The following NAV3 variants were observed in gnomAD, a reference collection of about 807,000 sequenced individuals.
NAV3 encodes the protein neuron navigator 3.
NAV3 carries 87 observed loss-of-function variants against 244.7 expected under a neutral mutation model. The ratio of observed to expected loss-of-function variants is 0.36; its 90% CI spans 0.30 to 0.42. The LOEUF (loss-of-function observed/expected upper bound fraction) is 0.42. Among genes scored for constraint, NAV3 ranks in the 20% least tolerant of loss-of-function variants. NAV3 has a pLI of 1.00. For missense variants in NAV3, 2,663 were observed against 2,893.3 expected (o/e 0.92, Z 1.83); for synonymous variants, 1,126 against 1,042.2 (o/e 1.08, Z -1.55).
chr12:77,986,569 A>G (rs1870552241), intron 5 of NAV3, among the ~76,000 whole-genome samples: 1 of 152,066 alleles, frequency 6.6e-6, no homozygotes, highest in Non-Finnish European at 1.5e-5. Flanking sequence ...AGAATTCTGT[A>G]TGTGTATTAT....
Position 78,024,618 on chromosome 12 carries a change from C to T in NAV3, c.2023+2756C>T, listed in dbSNP as rs116101585. On this transcript the variant is annotated intron_variant, in intron 9 of 39. Coordinates refer to ENST00000397909, the MANE Select transcript of NAV3 (RefSeq NM_001024383.2). ...TACTCTCTCTTCTCTTTAATAGCTC[C>T]CTCCCAACCAAATCACTTATTTTAG... Among the ~76,000 whole-genome samples the T allele has an allele frequency of 6.7e-3, 1,019 of 152,128 alleles. 10 individuals are homozygous for T. The highest frequency in any genetic ancestry group is 0.024 in the African/African-American group (987 of 41,482).
At chr12:78,123,614 C>T (rs746360120) in intron 16 of NAV3, among the ~76,000 whole-genome samples, 1 of 152,068 alleles carries the variant, frequency 6.6e-6, no homozygotes, top group Non-Finnish European at 1.5e-5. Flanking sequence ...CAGGGACAGC[C>T]GTGCAAATGG....
At chr12:78,038,038 T>C (rs1880212351) in intron 9 of NAV3, among the ~76,000 whole-genome samples, 1 of 152,228 alleles carries the variant, frequency 6.6e-6, no homozygotes, top group South Asian at 2.1e-4. Context: ...ATGAACTGTT[T>C]TCATACTTTA....
At chr12:77,686,757 T>G (rs772824510) in intron 2 of NAV3, among the ~76,000 whole-genome samples, 1 of 152,188 alleles carries the variant, frequency 6.6e-6, no homozygotes, top group African/African-American at 2.4e-5. Context: ...TTCATCTGAC[T>G]TTACAGTACG....
At chr12:77,926,688 A>T (rs1888257279) in intron 1 of NAV3, among the ~76,000 whole-genome samples, 1 of 152,176 alleles carries the variant, frequency 6.6e-6, no homozygotes, top group South Asian at 2.1e-4. Context: ...ACTTTTTAAA[A>T]TTCATTTGTT....
intron 2 of NAV3, among the ~76,000 whole-genome samples, chr12:77,647,493 G>C (rs1221396396): frequency 1.3e-5 from 2 of 150,966 alleles, no homozygotes; most frequent in African/African-American, 4.9e-5. Context: ...GCCCAAACTA[G>C]ATGAATTTTT....
At chr12:78,057,798 A>G (rs1177395656) in intron 11 of NAV3, among the ~76,000 whole-genome samples, 2 of 152,152 alleles carry the variant, frequency 1.3e-5, no homozygotes, top group Non-Finnish European at 2.9e-5. Flanking sequence ...CTGTAGTTGA[A>G]CCTAAGCAGT....
At chr12:77,630,874 AT>A (rs796671079) in intron 2 of NAV3, among the ~76,000 whole-genome samples, 14 of 152,296 alleles carry the variant, frequency 9.2e-5, no homozygotes, top group African/African-American at 3.4e-4. Context: ...CATTAAACAG[AT>A]TGTACATTAA....
chr12:78,079,460 AT>A (rs1953236184), intron 12 of NAV3, among the ~76,000 whole-genome samples: 1 of 152,138 alleles, frequency 6.6e-6, no homozygotes, highest in South Asian at 2.1e-4. Context: ...AAAAGGCTGT[AT>A]TTTTTGATAT....
chr12:77,709,489 A>T (rs1255266885), intron 2 of NAV3, among the ~76,000 whole-genome samples: 1 of 152,222 alleles, frequency 6.6e-6, no homozygotes, highest in African/African-American at 2.4e-5. Flanking sequence ...AAAGGAAAAC[A>T]TTCTGTAAAT....
intron 1 of NAV3, among the ~76,000 whole-genome samples, chr12:77,843,421 T>TGTG (rs1565848072): frequency 3.4e-4 from 50 of 148,612 alleles, no homozygotes; most frequent in African/African-American, 1.2e-3. Flanking sequence ...GTGTGTGTGT[T>TGTG]TGTGTGTGTA....
chr12:77,600,624 C>T (rs1233153325), intron 2 of NAV3, among the ~76,000 whole-genome samples: 1 of 151,918 alleles, frequency 6.6e-6, no homozygotes, highest in African/African-American at 2.4e-5. Flanking sequence ...AAGTGCATGT[C>T]ATAAATCAGG....
rs983997301 is a variant in NAV3 at position 78,081,665 on chromosome 12, G to C, written c.2636+22550G>C. Reference sequence around the variant, plus strand: ...GAAGTGGGAGAGAGGCTCATCTGAGGTGTTATGCTGTTCTTTCTCTGTGGA... The same window carrying C: ...GAAGTGGGAGAGAGGCTCATCTGAGCTGTTATGCTGTTCTTTCTCTGTGGA... On this transcript the variant is annotated intron_variant, in intron 12 of 39. Coordinates refer to ENST00000397909, the MANE Select transcript of NAV3 (RefSeq NM_001024383.2). Among the ~76,000 whole-genome samples, 25 of 152,268 alleles carry C rather than the reference G, an allele frequency of 1.6e-4. 1 individual carries two copies. Among genetic ancestry groups the C allele is most frequent in the African/African-American group, 5.1e-4 (21 of 41,562 alleles).
chr12:78,041,589 A>C (rs1300218005), intron 9 of NAV3, among the ~76,000 whole-genome samples: 1 of 152,164 alleles, frequency 6.6e-6, no homozygotes, highest in African/African-American at 2.4e-5. Context: ...TTGACCTGCT[A>C]CTGGAAGGAG....
chr12:78,100,609 T>G (rs1954490513), intron 12 of NAV3, among the ~76,000 whole-genome samples: 1 of 152,040 alleles, frequency 6.6e-6, no homozygotes, highest in Non-Finnish European at 1.5e-5. Flanking sequence ...ACTAAAATGT[T>G]TTTAAAACAT....
chr12:77,917,308 G>T (rs987400231), intron 1 of NAV3, among the ~76,000 whole-genome samples: 1 of 151,828 alleles, frequency 6.6e-6, no homozygotes, highest in Admixed American at 6.6e-5. Context: ...CCAGAACCAG[G>T]ATTGCAGCCT....
intron 2 of NAV3, among the ~76,000 whole-genome samples, chr12:77,634,397 AT>A (rs1191652733): frequency 6.6e-6 from 1 of 152,200 alleles, no homozygotes. Flanking sequence ...GTAATTTTTG[AT>A]AATATTTTGA....
intron 18 of NAV3, among the ~76,000 whole-genome samples, chr12:78,132,369 A>G (rs185901811): frequency 6.6e-6 from 1 of 152,328 alleles, no homozygotes; most frequent in African/African-American, 2.4e-5. Context: ...TTACCTTTCT[A>G]GGATGTGGGT....
At chr12:78,056,634 C>T (rs749202200) in intron 11 of NAV3, among the ~76,000 whole-genome samples, 4 of 152,032 alleles carry the variant, frequency 2.6e-5, no homozygotes, top group Non-Finnish European at 5.9e-5. Context: ...TAAGCTGAGG[C>T]AGGAGAATTG....
Sources: gnomAD v4.1 joint callset for allele counts (sites outside exome capture counted in the v4.1 genomes callset) on GRCh38, gnomAD v4.1.1 for gene constraint, MANE v1.5 for transcripts, NCBI Gene and HGNC (gene_info 2026-07-23, HGNC 2026-07-21) for gene names.